The following KCNQ5 variants were observed in gnomAD, a reference collection of about 807,000 sequenced individuals.
The protein encoded by KCNQ5 is potassium voltage-gated channel subfamily Q member 5, also known as potassium voltage-gated channel subfamily KQT member 5.
In KCNQ5, 30 loss-of-function variants were observed where a neutral mutation model predicts 98.2. The ratio of observed to expected loss-of-function variants is 0.31; its 90% CI spans 0.23 to 0.41. KCNQ5 has a LOEUF of 0.41. Ranked by LOEUF, KCNQ5 falls within the 10% of genes least tolerant of loss-of-function variation. The pLI is 1.00. For synonymous variants in KCNQ5, 458 were observed against 449.4 expected (o/e 1.02, Z -0.24); for missense variants, 835 against 1,182.5 (o/e 0.71, Z 4.31).
intron 1 of KCNQ5, among the ~76,000 whole-genome samples, chr6:72,782,351 C>A (rs977488421): frequency 6.6e-6 from 1 of 152,142 alleles, no homozygotes; most frequent in Non-Finnish European, 1.5e-5. Context: ...CTTCTCCACA[C>A]CCTATACCGT....
chr6:72,751,010 A>T (rs2154476578), intron 1 of KCNQ5, among the ~76,000 whole-genome samples: 1 of 152,154 alleles, frequency 6.6e-6, no homozygotes, highest in South Asian at 2.1e-4. Flanking sequence ...TGGTACTGGG[A>T]TGAAAAAAAA....
chr6:73,178,888 T>A (rs1163835059), intron 11 of KCNQ5, among the ~76,000 whole-genome samples: 1 of 152,210 alleles, frequency 6.6e-6, no homozygotes, highest in African/African-American at 2.4e-5. Context: ...CATTAAAAAG[T>A]ATTCTAAATA....
At chr6:72,975,066 C>T (rs577416977) in intron 1 of KCNQ5, among the ~76,000 whole-genome samples, 14 of 152,084 alleles carry the variant, frequency 9.2e-5, no homozygotes, top group African/African-American at 1.7e-4. Flanking sequence ...CATCTCCCAG[C>T]GCCATTTAAT....
chr6:72,966,631 C>G (rs542841852), intron 1 of KCNQ5, among the ~76,000 whole-genome samples: 10 of 152,212 alleles, frequency 6.6e-5, no homozygotes, highest in African/African-American at 2.2e-4. Context: ...AAGGTATCCT[C>G]TTAAATTTGT....
At chr6:72,970,983 A>G (rs1253918512) in intron 1 of KCNQ5, among the ~76,000 whole-genome samples, 2 of 152,120 alleles carry the variant, frequency 1.3e-5, no homozygotes, top group African/African-American at 2.4e-5. Context: ...GGCAACAAAA[A>G]CCAAAATTGA....
chr6:73,156,554 G>T (rs886374324), intron 10 of KCNQ5, among the ~76,000 whole-genome samples: 18 of 150,578 alleles, frequency 1.2e-4, no homozygotes, highest in Non-Finnish European at 2.5e-4. Flanking sequence ...GAACCCGGGA[G>T]GCAGAGGTTG....
At chr6:73,165,893 C>T (rs933623904) in intron 10 of KCNQ5, among the ~76,000 whole-genome samples, 1 of 150,826 alleles carries the variant, frequency 6.6e-6, no homozygotes, top group East Asian at 2.0e-4. Context: ...TGCAGTGAGC[C>T]GAGATTGTGC....
chr6:72,910,968 T>C (rs1486908726), intron 1 of KCNQ5, among the ~76,000 whole-genome samples: 8 of 152,102 alleles, frequency 5.3e-5, no homozygotes, highest in Admixed American at 5.2e-4. Context: ...GCAAAGAAGC[T>C]CACACACAGG....
Position 72,833,655 on chromosome 6 carries a change from C to T in KCNQ5, c.399-170253C>T, listed in dbSNP as rs188000886. On this transcript the variant is annotated intron_variant, in intron 1 of 13. Transcript: ENST00000370398. ...AAATAGTGAGATCAAAGAAATTTTG[C>T]TTCTTCTTTGCTTGGTTGATTTCTA... 3.9e-5 allele frequency among the ~76,000 whole-genome samples: 6 copies of T among 152,142 alleles called. No homozygotes were observed. In the East Asian group the frequency reaches 1.2e-3, roughly 29 times the overall value.
chr6:72,709,795 T>C (rs1387645839), intron 1 of KCNQ5, among the ~76,000 whole-genome samples: 1 of 152,062 alleles, frequency 6.6e-6, no homozygotes, highest in East Asian at 1.9e-4. Context: ...ACCATGCAAA[T>C]AAATACACCC....
chr6:72,633,240 T>C (rs1582012432), intron 1 of KCNQ5, among the ~76,000 whole-genome samples: 1 of 152,188 alleles, frequency 6.6e-6, no homozygotes, highest in South Asian at 2.1e-4. Flanking sequence ...TTTTGAGAAG[T>C]GTCTGTTCAT....
intron 1 of KCNQ5, among the ~76,000 whole-genome samples, chr6:72,778,125 A>G (rs1419754844): frequency 2.6e-5 from 4 of 152,198 alleles, no homozygotes; most frequent in African/African-American, 7.2e-5. Flanking sequence ...CAGGCCAAAG[A>G]TGAAGGTCAC....
At chr6:72,652,535 G>C (rs1284680795) in intron 1 of KCNQ5, among the ~76,000 whole-genome samples, 1 of 151,804 alleles carries the variant, frequency 6.6e-6, no homozygotes. Flanking sequence ...AATTGAGCAG[G>C]ATTGAACTGG....
intron 1 of KCNQ5, among the ~76,000 whole-genome samples, chr6:72,894,899 T>C (rs1015142389): frequency 6.6e-6 from 1 of 151,922 alleles, no homozygotes; most frequent in Non-Finnish European, 1.5e-5. Context: ...AACTATTATG[T>C]GGTCAGACAA....
At chr6:73,093,933 T>G (rs1774362073) in intron 5 of KCNQ5, among the ~76,000 whole-genome samples, 1 of 152,152 alleles carries the variant, frequency 6.6e-6, no homozygotes, top group Non-Finnish European at 1.5e-5. Flanking sequence ...TGTTCCAAGG[T>G]ATAGTTTAAA....
chr6:72,924,073 G>A (rs1431153263), intron 1 of KCNQ5, among the ~76,000 whole-genome samples: 1 of 152,110 alleles, frequency 6.6e-6, no homozygotes, highest in Non-Finnish European at 1.5e-5. Context: ...TTCAACTTGG[G>A]AGATTTTTAT....
intron 1 of KCNQ5, among the ~76,000 whole-genome samples, chr6:72,637,713 T>C (rs1275407366): frequency 6.6e-6 from 1 of 152,160 alleles, no homozygotes; most frequent in Non-Finnish European, 1.5e-5. Flanking sequence ...AATTCTATAG[T>C]TCTGTTTTGG....
intron 1 of KCNQ5, among the ~76,000 whole-genome samples, chr6:72,910,382 A>G (rs921769358): frequency 3.3e-5 from 5 of 152,160 alleles, no homozygotes; most frequent in African/African-American, 1.2e-4. Flanking sequence ...TAGAAAAGGA[A>G]ACATTTGCCA....
intron 1 of KCNQ5, among the ~76,000 whole-genome samples, chr6:72,850,144 T>G (rs891764457): frequency 6.6e-6 from 1 of 152,148 alleles, no homozygotes; most frequent in Non-Finnish European, 1.5e-5. Flanking sequence ...AAGAATAAGT[T>G]TGTATGAGTT....
Sources: allele counts gnomAD v4.1 joint callset (sites outside exome capture counted in the v4.1 genomes callset), GRCh38; gene constraint gnomAD v4.1.1; transcripts MANE v1.5; gene names NCBI Gene and HGNC (gene_info 2026-07-23, HGNC 2026-07-21).